The following ITIH5 variants were observed in gnomAD, a reference collection of about 807,000 sequenced individuals.
The protein encoded by ITIH5 is inter-alpha-trypsin inhibitor heavy chain H5.
ITIH5 carries 65 observed loss-of-function variants against 77.5 expected under a neutral mutation model. That is an observed-to-expected ratio of 0.84 (90% CI 0.69 to 1.03). The LOEUF (loss-of-function observed/expected upper bound fraction) is 1.03, where lower values mean the gene tolerates loss of function less well. ITIH5 is among the 50% of genes least tolerant of loss of function. The probability of loss-of-function intolerance (pLI) is 0.00; values close to 1 mark genes in which losing one functional copy is unlikely to be tolerated. For synonymous variants in ITIH5, 525 were observed against 494.3 expected, an observed-to-expected ratio of 1.06 and a Z score of -0.82; for missense variants, 1,208 against 1,213.1, an observed-to-expected ratio of 1.00 and a Z score of 0.06.
At chr10:7,601,007 A>T (rs1386115484) in intron 7 of ITIH5, among the ~76,000 whole-genome samples, 1 of 152,212 alleles carries the variant, frequency 6.6e-6, no homozygotes, top group Non-Finnish European at 1.5e-5. Context: ...ATATGAGTCC[A>T]TAGTGGCCTG....
Position 7,637,391 on chromosome 10 carries a change from C to T in ITIH5, c.489G>A (p.Leu163=), listed in dbSNP as rs768194070. 1 of 1,614,230 alleles carries T rather than the reference C, an allele frequency of 6.2e-7. No homozygotes were observed. Among genetic ancestry groups the T allele is most frequent in the Non-Finnish European group, 8.5e-7 (1 of 1,180,042 alleles). ...GCTCGTACTTGCCCAGGCGCCTCTG[C>T]AGAAGCTCCTCATAACTCAGGAAAA... ...AAFFLSYEEL[L]QRRLGKYEHS... Residue 163 remains leucine (L), a synonymous_variant, in exon 5 of 14, where the codon CTG becomes CTA. Coordinates refer to ENST00000397146, the MANE Select transcript of ITIH5 (RefSeq NM_030569.7).
chr10:7,628,844 AGCGTGTGTCCCTG>A (rs1833641465), intron 5 of ITIH5, among the ~76,000 whole-genome samples: 1 of 143,316 alleles, frequency 7.0e-6, no homozygotes. Context: ...TCCCTGTTGT[AGCGTGTGTCCCTG>A]TTGTAGCGTG....
chr10:7,662,456 TA>T (rs528434463), intron 1 of ITIH5, among the ~76,000 whole-genome samples: 1 of 152,092 alleles, frequency 6.6e-6, no homozygotes, highest in Non-Finnish European at 1.5e-5. Flanking sequence ...ACCCTCCTCC[TA>T]AAAAAAGCTC....
chr10:7,610,857 G>A (rs1475476438), intron 7 of ITIH5, among the ~76,000 whole-genome samples: 6 of 152,194 alleles, frequency 3.9e-5, no homozygotes, highest in African/African-American at 7.2e-5. Context: ...CTGAAGCTTC[G>A]AAGCCAGCAG....
At chr10:7,604,411 G>A (rs1049554957) in intron 7 of ITIH5, among the ~76,000 whole-genome samples, 3 of 152,188 alleles carry the variant, frequency 2.0e-5, no homozygotes, top group Admixed American at 6.5e-5. Flanking sequence ...CCTCAGGCCC[G>A]AGGACCCAGC....
At chr10:7,641,065 T>C (rs966657060) in intron 3 of ITIH5, among the ~76,000 whole-genome samples, 2 of 152,192 alleles carry the variant, frequency 1.3e-5, no homozygotes, top group African/African-American at 2.4e-5. Flanking sequence ...ACCCAACCCA[T>C]GGTGCCTCTG....
chr10:7,578,577 A>C (rs1832472118), intron 9 of ITIH5: 1 of 152,268 alleles, frequency 6.6e-6, no homozygotes, highest in Non-Finnish European at 1.5e-5. Flanking sequence ...AATGCGTGGG[A>C]GGAAACGGTG....
chr10:7,604,880 G>A (rs1833091471), intron 7 of ITIH5, among the ~76,000 whole-genome samples: 1 of 152,040 alleles, frequency 6.6e-6, no homozygotes, highest in African/African-American at 2.4e-5. Context: ...GGAGTGCAGT[G>A]GTGTGATCAT....
intron 2 of ITIH5, among the ~76,000 whole-genome samples, chr10:7,644,386 TCA>T (rs1273081543): frequency 1.4e-4 from 17 of 119,842 alleles, no homozygotes; most frequent in South Asian, 5.5e-4. Flanking sequence ...ATCACATATA[TCA>T]CATATATCAC....
chr10:7,566,838 GGAAGAGGAAGAAGAAGAAGAA>G (rs1156874758), intron 12 of ITIH5, among the ~76,000 whole-genome samples: 196 of 11,888 alleles, frequency 0.016, 1 homozygote, highest in Non-Finnish European at 0.019. Context: ...AAGAGGAAGA[GGAAGAGGAAGAAGAAGAAGAA>G]GAAGAAGAAG....
intron 5 of ITIH5, among the ~76,000 whole-genome samples, chr10:7,624,265 T>C (rs1168094096): frequency 6.6e-6 from 1 of 151,824 alleles, no homozygotes; most frequent in African/African-American, 2.4e-5. Context: ...CCCAGCACTT[T>C]GGGAGGCCGA....
At chr10:7,648,216 C>G (rs1050405672) in intron 2 of ITIH5, among the ~76,000 whole-genome samples, 1 of 150,864 alleles carries the variant, frequency 6.6e-6, no homozygotes, top group East Asian at 1.9e-4. Flanking sequence ...TGCACTCCAG[C>G]CTGGGCGACT....
intron 5 of ITIH5, among the ~76,000 whole-genome samples, chr10:7,633,381 A>T (rs1285616736): frequency 7.0e-6 from 1 of 142,596 alleles, no homozygotes; most frequent in Admixed American, 6.7e-5. Flanking sequence ...TTCAATCCTG[A>T]TATATCATAA....
At chr10:7,637,149 C>G (rs1196499262) in intron 5 of ITIH5, 79 bp downstream of exon 5, 1 of 1,520,098 alleles carries the variant, frequency 6.6e-7, no homozygotes, top group East Asian at 2.3e-5. Flanking sequence ...GGTGCCATCT[C>G]TTGCAGATTT....
At chr10:7,616,688 C>T (rs565071840) in intron 6 of ITIH5, among the ~76,000 whole-genome samples, 19 of 152,068 alleles carry the variant, frequency 1.2e-4, no homozygotes, top group South Asian at 8.3e-4. Context: ...ATTAGTGGGG[C>T]GTGGTGGTGG....
chr10:7,644,881 A>G lies in ITIH5; in HGVS notation c.136-2791T>C, dbSNP rs982889176. Among the ~76,000 whole-genome samples the G allele has an allele frequency of 5.1e-4, 62 of 121,296 alleles. 3 individuals are homozygous for G. The highest frequency in any genetic ancestry group is 7.0e-4 in the African/African-American group (22 of 31,370). The allele number at this position is 121,296 out of a possible 152,430, so 79.6% of individuals were successfully genotyped here. A position where few individuals can be genotyped will look rare whatever the true frequency, so the allele number is the denominator to read the frequency against. On this transcript the variant is annotated intron_variant, in intron 2 of 13. Transcript: ENST00000397146. ...TGTATCACATATATATCACATATATATATCACATATATATATCACATATAT... is the reference window on the plus strand; with the variant it reads ...TGTATCACATATATATCACATATATGTATCACATATATATATCACATATAT...
At chr10:7,643,778 T>C (rs993042732) in intron 2 of ITIH5, among the ~76,000 whole-genome samples, 1 of 152,228 alleles carries the variant, frequency 6.6e-6, no homozygotes, top group Non-Finnish European at 1.5e-5. Context: ...ATTCCTGCTG[T>C]GACATACAAA....
Position 7,640,823 on chromosome 10 carries a change from A to G in ITIH5, c.332T>C (p.Ile111Thr). ...ACCACTCTTCTTTTCTCTCTCTGTA[A>G]TTTCGCCCTGATACACCTTGTCTCC... Reference protein sequence around the residue: ...LIGDKVYQGEITEREKKSGDR... With the variant: ...LIGDKVYQGETTEREKKSGDR... Residue 111 changes from isoleucine (I) to threonine (T), a missense_variant, in exon 4 of 14, where the codon ATT becomes ACT. Ile to Thr is a moderately conservative substitution (Grantham distance 89). Coordinates refer to ENST00000397146, the MANE Select transcript of ITIH5 (RefSeq NM_030569.7). 2 of 1,612,992 alleles carry G rather than the reference A, an allele frequency of 1.2e-6. No individual in the cohort carries two copies. The highest frequency in any genetic ancestry group is 1.7e-6 in the Non-Finnish European group (2 of 1,179,258).
chr10:7,572,164 G>A, intron 11 of ITIH5: 2 of 1,168,286 alleles, frequency 1.7e-6, no homozygotes, highest in Non-Finnish European at 2.2e-6. Context: ...AGGCTGTGCG[G>A]ACTCTATATC....
Sources: allele counts gnomAD v4.1 joint callset (sites outside exome capture counted in the v4.1 genomes callset), GRCh38; gene constraint gnomAD v4.1.1; transcripts MANE v1.5; gene names NCBI Gene and HGNC (gene_info 2026-07-23, HGNC 2026-07-21).